Variants in ESR1 observed in about 807,000 individuals in gnomAD.
ESR1 encodes the protein estrogen receptor.
ESR1 carries 12 observed loss-of-function variants against 52.7 expected under a neutral mutation model. The ratio of observed to expected loss-of-function variants is 0.23; its 90% CI spans 0.15 to 0.37. The LOEUF (loss-of-function observed/expected upper bound fraction) is 0.37. Among genes scored for constraint, ESR1 ranks in the 10% least tolerant of loss-of-function variants. The probability of loss-of-function intolerance (pLI) is 1.00; values close to 1 mark genes in which losing one functional copy is unlikely to be tolerated. For missense variants in ESR1, 584 were observed against 779.7 expected (o/e 0.75, Z 2.99); for synonymous variants, 305 against 316.8 (o/e 0.96, Z 0.39).
rs1778151918 is a variant in ESR1 at position 151,807,998 on chromosome 6, C to T, written c.86C>T (p.Pro29Leu). 1.2e-6 allele frequency: 2 copies of T among 1,613,938 alleles called. No homozygotes were observed. Among genetic ancestry groups the T allele is most frequent in the Admixed American group, 1.7e-5 (1 of 60,032 alleles). Reference sequence around the variant, plus strand: ...AACGAGCTGGAGCCCCTGAACCGTCCGCAGCTCAAGATCCCCCTGGAGCGG... The same window carrying T: ...AACGAGCTGGAGCCCCTGAACCGTCTGCAGCTCAAGATCCCCCTGGAGCGG... ...QGNELEPLNR[P>L]QLKIPLERPL... Residue 29 changes from proline to leucine, a missense_variant, in exon 1 of 8, where the codon CCG (proline) becomes CTG (leucine). By Grantham distance (98) the Pro-to-Leu change is moderately conservative (BLOSUM62 -3). Around this residue, in one of 6 missense-constraint regions of ESR1, gnomAD observed 251 missense variants for 246.1 expected, o/e 1.02. Transcript: ENST00000206249.
At position 151,692,148 on chromosome 6, in the gene ESR1, T is replaced by C. The variant is rs142729737; in HGVS notation, c.-202+1484T>C. Among the ~76,000 whole-genome samples, 10 of 152,338 alleles carry C rather than the reference T, an allele frequency of 6.6e-5. No individual in the cohort carries two copies. In the East Asian group the frequency reaches 1.9e-3, roughly 29 times the overall value. ...GGAATAAAGCTCTTGTGTCTTAAAC[T>C]TGCAGCAAGAACAAAGTCCAACTAT... On this transcript the variant is annotated intron_variant, in intron 1 of 2. Transcript: ENST00000404742.
chr6:151,950,826 C>G (rs184966315), intron 4 of ESR1, among the ~76,000 whole-genome samples: 16 of 150,118 alleles, frequency 1.1e-4, no homozygotes, highest in African/African-American at 3.9e-4. Context: ...TTGAAGCCAC[C>G]TAGTTTTTGA....
intron 3 of ESR1, among the ~76,000 whole-genome samples, chr6:151,889,488 T>G (rs1306962596): frequency 6.6e-6 from 1 of 152,200 alleles, no homozygotes; most frequent in African/African-American, 2.4e-5. Context: ...TGCATTTCTG[T>G]GCTATCAGTT....
Position 151,876,534 on chromosome 6 carries a change from A to G in ESR1, c.644-4121A>G, listed in dbSNP as rs2128321203. Among the ~76,000 whole-genome samples the G allele has an allele frequency of 2.0e-5, 3 of 152,318 alleles. No individual in the cohort carries two copies. The Middle Eastern group carries it at 0.01, about 518-fold the overall frequency. On this transcript the variant is annotated intron_variant, in intron 2 of 7. Coordinates refer to ENST00000206249, the MANE Select transcript of ESR1 (RefSeq NM_000125.4). ...CATTATTTATTTTCACAACTAACAA[A>G]TGCAGACTTTCTGTGTAATGACAAC...
chr6:151,667,240 C>T (rs1777861511), intron 1 of ESR1, among the ~76,000 whole-genome samples: 2 of 151,976 alleles, frequency 1.3e-5, no homozygotes, highest in South Asian at 4.2e-4. Context: ...CATATCAGAA[C>T]ACTTGTCATT....
intron 5 of ESR1, among the ~76,000 whole-genome samples, chr6:152,017,005 T>C (rs2043217937): frequency 6.6e-6 from 1 of 152,170 alleles, no homozygotes. Flanking sequence ...TTCTCTCAAA[T>C]CTTTGCAAAT....
intron 1 of ESR1, among the ~76,000 whole-genome samples, chr6:151,658,846 T>G (rs1777542045): frequency 6.6e-6 from 1 of 152,146 alleles, no homozygotes; most frequent in African/African-American, 2.4e-5. Context: ...ATATCTAAGA[T>G]CACAAAGCTA....
At chr6:151,938,158 G>A (rs79059483) in intron 3 of ESR1, among the ~76,000 whole-genome samples, 2,332 of 152,242 alleles carry the variant, frequency 0.015, 24 homozygotes, top group Non-Finnish European at 0.027. Context: ...AATAATACAT[G>A]AACGTAGTCA....
intron 2 of ESR1, among the ~76,000 whole-genome samples, chr6:151,711,984 T>G: frequency 6.6e-6 from 1 of 152,234 alleles, no homozygotes; most frequent in East Asian, 1.9e-4. Flanking sequence ...GTTTCGGGTC[T>G]TACATTTAAG....
chr6:151,883,058 C>T (rs1315821702), intron 3 of ESR1, among the ~76,000 whole-genome samples: 1 of 151,948 alleles, frequency 6.6e-6, no homozygotes, highest in Non-Finnish European at 1.5e-5. Context: ...TAATTTTCTC[C>T]CAATTCTGGA....
intron 4 of ESR1, among the ~76,000 whole-genome samples, chr6:151,993,091 T>C (rs967636941): frequency 6.6e-6 from 1 of 152,174 alleles, no homozygotes; most frequent in African/African-American, 2.4e-5. Flanking sequence ...TTTTCTGTGG[T>C]AAATTGTACT....
intron 1 of ESR1, among the ~76,000 whole-genome samples, chr6:151,691,228 C>T (rs1478240836): frequency 1.3e-5 from 2 of 152,296 alleles, no homozygotes; most frequent in South Asian, 2.1e-4. Flanking sequence ...TGAAATGGGC[C>T]TCTGATTTTA....
intron 2 of ESR1, among the ~76,000 whole-genome samples, chr6:151,761,352 G>A (rs1289714939): frequency 1.3e-5 from 2 of 152,072 alleles, no homozygotes; most frequent in African/African-American, 2.4e-5. Flanking sequence ...GAATAGAAAT[G>A]AAGATTTAGG....
chr6:151,935,351 G>A (rs74846152), intron 3 of ESR1, among the ~76,000 whole-genome samples: 2,997 of 152,338 alleles, frequency 0.02, 56 homozygotes, highest in East Asian at 0.093. Context: ...AAAACAGGTG[G>A]AAACCAAGAG....
intron 6 of ESR1, among the ~76,000 whole-genome samples, chr6:152,086,985 A>G (rs943981292): frequency 6.6e-6 from 1 of 152,200 alleles, no homozygotes; most frequent in Non-Finnish European, 1.5e-5. Context: ...TCTTTATTCA[A>G]CTCACGTAAT....
At chr6:151,920,091 T>G (rs1395905335) in intron 3 of ESR1, among the ~76,000 whole-genome samples, 1 of 152,168 alleles carries the variant, frequency 6.6e-6, no homozygotes, top group Non-Finnish European at 1.5e-5. Context: ...AACTTTAATT[T>G]TTCATCTTTA....
rs9397464 is a variant in ESR1, at chr6:151,987,333, G to A, written c.1097-24323G>A. 1.5e-4 allele frequency among the ~76,000 whole-genome samples: 23 copies of A among 152,072 alleles called. No homozygotes were observed. In the East Asian group the frequency reaches 3.3e-3, roughly 22 times the overall value. ...GAGTACAGTGGCGCAATCTCCGCTC[G>A]CTGCAACCTCTGCCTCCTGGGTTCA... On this transcript the variant is annotated intron_variant, in intron 4 of 7. Transcript: ENST00000206249.
At chr6:152,090,202 C>T (rs919212895) in intron 6 of ESR1, among the ~76,000 whole-genome samples, 1 of 152,206 alleles carries the variant, frequency 6.6e-6, no homozygotes, top group African/African-American at 2.4e-5. Context: ...ACCCGAAAGG[C>T]TGATGTGTGA....
chr6:151,892,827 T>C (rs1794891755), intron 3 of ESR1, among the ~76,000 whole-genome samples: 1 of 152,112 alleles, frequency 6.6e-6, no homozygotes, highest in African/African-American at 2.4e-5. Flanking sequence ...TTTTTGGAAA[T>C]TACAGAAATA....
Sources: gnomAD v4.1 joint callset for allele counts (sites outside exome capture counted in the v4.1 genomes callset) on GRCh38, gnomAD v4.1.1 for gene constraint, gnomAD v4.1.1 regional missense constraint, MANE v1.5 for transcripts, NCBI Gene and HGNC (gene_info 2026-07-23, HGNC 2026-07-21) for gene names.